The following CACNA1B variants were observed in gnomAD, a reference collection of about 807,000 sequenced individuals.
CACNA1B encodes voltage-dependent N-type calcium channel subunit alpha-1B.
In CACNA1B, 70 loss-of-function variants were observed where a neutral mutation model predicts 247.2. That is an observed-to-expected ratio of 0.28 (90% CI 0.23 to 0.35). The LOEUF (loss-of-function observed/expected upper bound fraction) is 0.35. CACNA1B is among the 10% of genes least tolerant of loss of function. CACNA1B has a pLI of 1.00. For missense variants in CACNA1B, 2,367 were observed against 3,197.4 expected, an observed-to-expected ratio of 0.74 and a Z score of 6.26; for synonymous variants, 1,231 against 1,294.4, an observed-to-expected ratio of 0.95 and a Z score of 1.05.
rs1962065146 is a variant in CACNA1B at position 138,120,835 on chromosome 9, A to G, written c.6443A>G (p.His2148Arg). 19 of 1,571,272 alleles carry G rather than the reference A, an allele frequency of 1.2e-5. No individual in the cohort carries two copies. Among genetic ancestry groups the G allele is most frequent in the Non-Finnish European group, 1.5e-5 (17 of 1,158,604 alleles). The change falls in exon 46 of 47, where the codon CAC (histidine) becomes CGC (arginine). Residue 2148 changes from histidine (H) to arginine (R), a missense_variant. Around this residue, in one of 12 missense-constraint regions of CACNA1B, gnomAD observed 773 missense variants for 779.4 expected, o/e 0.99. Coordinates refer to ENST00000371372, the MANE Select transcript of CACNA1B (RefSeq NM_000718.4). ...PPKPKPSLSS[H>R]PTSPTAGQEP... Reference sequence around the variant, plus strand: ...AAGCCCAAGCCCTCCCTCAGCAGCCACCCAACGTCGCCAACAGCTGGCCAG... The same window carrying G: ...AAGCCCAAGCCCTCCCTCAGCAGCCGCCCAACGTCGCCAACAGCTGGCCAG...
chr9:138,024,328 T>A (rs889517203), intron 19 of CACNA1B, among the ~76,000 whole-genome samples: 1 of 152,052 alleles, frequency 6.6e-6, no homozygotes, highest in Non-Finnish European at 1.5e-5. Context: ...ACCAACCCCG[T>A]GAGGGCCTGG....
At chr9:137,945,359 G>T (rs1957782739) in intron 6 of CACNA1B, among the ~76,000 whole-genome samples, 1 of 152,162 alleles carries the variant, frequency 6.6e-6, no homozygotes, top group African/African-American at 2.4e-5. Context: ...TACCTGGGGT[G>T]GCCATCTGGA....
chr9:137,914,539 C>T lies in CACNA1B; in HGVS notation c.623-115C>T, dbSNP rs1957390780. The T allele has an allele frequency of 6.0e-6, 5 of 834,746 alleles. No individual in the cohort carries two copies. In the South Asian group the frequency reaches 8.7e-5, roughly 14 times the overall value. 51.7% of individuals were successfully genotyped at this position (834,746 alleles called of 1,614,324 possible). On this transcript the variant is annotated intron_variant, in intron 4 of 46. Transcript: ENST00000371372. The surrounding 1 kb of genome is among the most constrained non-coding windows in gnomAD (Gnocchi z 4.3). The stretch of plus-strand genomic sequence containing the variant: ...TATCCTTTGCCCTTGCAAGCACTCA[C>T]TGCTTAGCACCTTGCTGTCCCTGCT...
intron 10 of CACNA1B, among the ~76,000 whole-genome samples, chr9:137,968,546 T>C (rs1328580969): frequency 1.3e-5 from 2 of 152,242 alleles, no homozygotes; most frequent in Non-Finnish European, 2.9e-5. Context: ...TAGCCTCACG[T>C]CACTTTTGTT....
At chr9:138,015,592 C>T (rs1252188667) in intron 18 of CACNA1B, among the ~76,000 whole-genome samples, 1 of 152,240 alleles carries the variant, frequency 6.6e-6, no homozygotes, top group Admixed American at 6.5e-5. Context: ...AGCTGTGCTG[C>T]GTGGCCTGCG....
At chr9:137,983,386 G>A (rs995965062) in intron 12 of CACNA1B, among the ~76,000 whole-genome samples, 2 of 152,098 alleles carry the variant, frequency 1.3e-5, no homozygotes, top group Admixed American at 1.3e-4. Context: ...GGTGGTAAAG[G>A]GTCTGCTGTG....
intron 6 of CACNA1B, among the ~76,000 whole-genome samples, chr9:137,936,335 A>C (rs945149350): frequency 6.6e-6 from 1 of 151,670 alleles, no homozygotes; most frequent in African/African-American, 2.4e-5. Flanking sequence ...GGGTTGTTTG[A>C]TTTTTTCCTG....
rs1957421095 is a variant in CACNA1B at position 137,917,066 on chromosome 9, G to A, written c.776-175G>A. Among the ~76,000 whole-genome samples, 2 of 152,170 alleles carry A rather than the reference G, an allele frequency of 1.3e-5. No homozygotes were observed. Among genetic ancestry groups the A allele is most frequent in the South Asian group, 4.1e-4 (2 of 4,832 alleles). On this transcript the variant is annotated intron_variant, in intron 5 of 46. Coordinates refer to ENST00000371372, the MANE Select transcript of CACNA1B (RefSeq NM_000718.4). This position sits in a 1 kb window ranked among gnomAD's most constrained non-coding sequence, Gnocchi z 5.5. ...TCACTCGTGAGCTCGGGGTCAGCAA[G>A]AGGCGATGCCTGATGCAGATTCGAG... is the stretch of plus-strand genomic sequence containing the variant.
In CACNA1B at chr9:137,957,311, C is replaced by T. The variant is rs1957960622; in HGVS notation, c.1244-287C>T. ...CCCTGTTGTAGTCCTGGCCTTGCCC[C>T]AGATGGACGTTTCCTGGTCTCCCTG... On this transcript the variant is annotated intron_variant, in intron 9 of 46. Transcript: ENST00000371372. The surrounding 1 kb of genome is among the most constrained non-coding windows in gnomAD (Gnocchi z 4.7). Among the ~76,000 whole-genome samples, 1 of 152,228 alleles carries T rather than the reference C, an allele frequency of 6.6e-6. No individual in the cohort carries two copies. Among genetic ancestry groups the T allele is most frequent in the African/African-American group, 2.4e-5 (1 of 41,456 alleles).
intron 31 of CACNA1B, among the ~76,000 whole-genome samples, chr9:138,062,421 A>G (rs1196497158): frequency 2.6e-5 from 4 of 152,162 alleles, no homozygotes; most frequent in East Asian, 3.8e-4. Context: ...GGTGCGTGTC[A>G]TGGGGGATTG....
In CACNA1B at chr9:138,052,174, C is replaced by T. The variant is rs1461347843; in HGVS notation, c.3793C>T (p.Leu1265=). The T allele has an allele frequency of 1.2e-6, 2 of 1,606,696 alleles. No individual in the cohort carries two copies. The highest frequency in any genetic ancestry group is 2.7e-5 in the African/African-American group (2 of 74,688). Reference sequence around the variant, plus strand: ...GCGGCCCCTCAAGACCATCAAACGGCTGCCCAAGCTCAAGGTTAGAGCCTG... The same window carrying T: ...GCGGCCCCTCAAGACCATCAAACGGTTGCCCAAGCTCAAGGTTAGAGCCTG... ...VLRPLKTIKR[L]PKLKAVFDCV... is the part of the protein sequence containing the mutation. The change falls in exon 25 of 47, where the codon CTG becomes TTG. Residue 1265 remains leucine (L), a synonymous_variant. Coordinates refer to ENST00000371372, the MANE Select transcript of CACNA1B (RefSeq NM_000718.4). The surrounding 1 kb of genome is among the most constrained non-coding windows in gnomAD (Gnocchi z 5.1).
rs929069980 is a variant in CACNA1B, at chr9:138,014,053, T to C, written c.2267+818T>C. Among the ~76,000 whole-genome samples, 3 of 152,262 alleles carry C rather than the reference T, an allele frequency of 2.0e-5. No homozygotes were observed. The highest frequency in any genetic ancestry group is 7.2e-5 in the African/African-American group (3 of 41,472). On this transcript the variant is annotated intron_variant, in intron 18 of 46. Transcript: ENST00000371372. This position sits in a 1 kb window ranked among gnomAD's most constrained non-coding sequence, Gnocchi z 6.2. ...CTTCAGCCGGCCACCCGCCCTGCCG[T>C]GAACACGGAACACAGGGCCGGGTGC...
intron 36 of CACNA1B, among the ~76,000 whole-genome samples, chr9:138,084,741 G>A (rs950280686): frequency 6.6e-6 from 1 of 151,110 alleles, no homozygotes; most frequent in African/African-American, 2.5e-5. Flanking sequence ...CATGAGGTCA[G>A]GAGATCAAGA....
At chr9:137,907,898 G>T (rs1040850706) in intron 3 of CACNA1B, among the ~76,000 whole-genome samples, 138 of 152,098 alleles carry the variant, frequency 9.1e-4, no homozygotes, top group African/African-American at 3.1e-3. Flanking sequence ...CTGCCGACGG[G>T]TGACCTGGTT....
rs80226264 is a variant in CACNA1B, at chr9:138,007,705, C to T, written c.2092+821C>T. ...ATTCTCACAGGCTGCAGGGGGAGCC[C>T]GTGTTTCTGTTCTGGGGACCCCACT... On this transcript the variant is annotated intron_variant, in intron 16 of 46. Coordinates refer to ENST00000371372, the MANE Select transcript of CACNA1B (RefSeq NM_000718.4). The surrounding 1 kb of genome is among the most constrained non-coding windows in gnomAD (Gnocchi z 4.1). Among the ~76,000 whole-genome samples, 1,402 of 152,208 alleles carry T rather than the reference C, an allele frequency of 9.2e-3. 25 individuals are homozygous for T. The highest frequency in any genetic ancestry group is 0.032 in the African/African-American group (1,346 of 41,506).
chr9:138,112,648 C>CAGCTCCAACCAAGAG, intron 40 of CACNA1B, 143 bp downstream of exon 40: 1 of 633,662 alleles, frequency 1.6e-6, no homozygotes, highest in Admixed American at 2.5e-5. Context: ...AATCTGCCCT[C>CAGCTCCAACCAAGAG]AGCTCCAACC....
In CACNA1B at chr9:138,010,084, G is replaced by A. The variant is rs906771280; in HGVS notation, c.2160+7G>A. 6.2e-7 allele frequency: 1 copy of A among 1,611,676 alleles called. No homozygotes were observed. Among genetic ancestry groups the A allele is most frequent in the African/African-American group, 1.3e-5 (1 of 74,886 alleles). On this transcript the variant is annotated splice_region_variant and intron_variant, in intron 17 of 46. Coordinates refer to ENST00000371372, the MANE Select transcript of CACNA1B (RefSeq NM_000718.4). The surrounding 1 kb of genome is among the most constrained non-coding windows in gnomAD (Gnocchi z 5.3). The stretch of plus-strand genomic sequence containing the variant: ...CGCCCAAGAGCTGACCAAGGTAGGT[G>A]GCGACAGGGAGGGACCGGTGTCAGC...
Position 137,878,914 on chromosome 9 carries a change from G to A in CACNA1B, c.285-140G>A, listed in dbSNP as rs117085575. 4,219 of 585,260 alleles carry A rather than the reference G, an allele frequency of 7.2e-3. 103 individuals carry two copies. Among genetic ancestry groups the A allele is most frequent in the East Asian group, 0.052 (1,736 of 33,174 alleles). 36.3% of individuals were successfully genotyped at this position (585,260 alleles called of 1,614,324 possible). ...GAGTGAGGGAGACCAGGCCGCTTCC[G>A]CCAGGAGAGGGGCTCCGGACCCAGT... On this transcript the variant is annotated intron_variant, in intron 1 of 46. Coordinates refer to ENST00000371372, the MANE Select transcript of CACNA1B (RefSeq NM_000718.4).
intron 23 of CACNA1B, among the ~76,000 whole-genome samples, chr9:138,048,447 G>C (rs1959202057): frequency 6.6e-6 from 1 of 152,224 alleles, no homozygotes; most frequent in Non-Finnish European, 1.5e-5. Flanking sequence ...GCCCAGGCAG[G>C]ATCTCAGCCG....
Sources: gnomAD v4.1 joint callset for allele counts (sites outside exome capture counted in the v4.1 genomes callset) on GRCh38, gnomAD v4.1.1 for gene constraint, gnomAD v4.1.1 regional missense constraint, Gnocchi (gnomAD v3.1) non-coding constraint, MANE v1.5 for transcripts, NCBI Gene and HGNC (gene_info 2026-07-23, HGNC 2026-07-21) for gene names.